VPS35: variants seen among roughly 807,000 people sequenced by gnomAD.
VPS35 encodes VPS35 retromer complex component.
A neutral mutation model predicts 98.1 loss-of-function variants in VPS35; 21 were observed. The ratio of observed to expected loss-of-function variants is 0.21; its 90% CI spans 0.15 to 0.31. VPS35 has a LOEUF of 0.31. Ranked by LOEUF, VPS35 falls within the 10% of genes least tolerant of loss-of-function variation. The pLI, the probability that VPS35 is intolerant of heterozygous loss-of-function variation, is 1.00. For synonymous variants in VPS35, 268 were observed against 318.2 expected (o/e 0.84, Z 1.68); for missense variants, 554 against 950.8 (o/e 0.58, Z 5.49).
intron 3 of VPS35, 138 bp downstream of exon 3, chr16:46,681,941 A>G: frequency 4.4e-6 from 3 of 681,198 alleles, no homozygotes; most frequent in East Asian, 5.5e-5. Context: ...GCACATCTGC[A>G]TGGAGAAGGA....
At chr16:46,676,506 C>T in intron 8 of VPS35, 77 bp downstream of exon 8, 1 of 902,536 alleles carries the variant, frequency 1.1e-6, no homozygotes, top group South Asian at 1.4e-5. Context: ...GTAACAGAAA[C>T]AAATAATTCA....
chr16:46,661,964 C>G lies in VPS35; in HGVS notation c.2068-103G>C. On this transcript the variant is annotated intron_variant, in intron 15 of 16. Coordinates refer to ENST00000299138, the MANE Select transcript of VPS35 (RefSeq NM_018206.6). This position sits in a 1 kb window ranked among gnomAD's most constrained non-coding sequence, Gnocchi z 4.3. Reference sequence around the variant, plus strand: ...GTGGCTCTTTCGTGTTTTAAAGGGACATAACAAATTTAAATCCTTTTCATT... The same window carrying G: ...GTGGCTCTTTCGTGTTTTAAAGGGAGATAACAAATTTAAATCCTTTTCATT... The G allele has an allele frequency of 6.7e-7, 1 of 1,499,282 alleles. No homozygotes were observed. Among genetic ancestry groups the G allele is most frequent in the East Asian group, 2.3e-5 (1 of 44,144 alleles). The allele number at this position is 1,499,282 out of a possible 1,614,324, so 92.9% of individuals were successfully genotyped here.
At chr16:46,678,059 T>C (rs1226119608) in intron 6 of VPS35, among the ~76,000 whole-genome samples, 1 of 152,214 alleles carries the variant, frequency 6.6e-6, no homozygotes, top group Non-Finnish European at 1.5e-5. Flanking sequence ...AAATAACTGA[T>C]CATAAATATC....
rs1965897703 is a variant in VPS35 at position 46,660,601 on chromosome 16, G to A, written c.2262C>T (p.Leu754=). The A allele has an allele frequency of 6.2e-7, 1 of 1,613,916 alleles. No individual in the cohort carries two copies. The change falls in exon 17 of 17, where the codon CTC becomes CTT. Residue 754 remains leucine, a synonymous_variant. Coordinates refer to ENST00000299138, the MANE Select transcript of VPS35 (RefSeq NM_018206.6). ...NQLIQKIRED[L]PNLESSEETE... ...TTTCTTCACTGGATTCAAGATTCGG[G>A]AGGTCTTCTCGAATCTTTTGGATAA...
At chr16:46,669,097 T>A (rs747638741) in intron 12 of VPS35, 45 bp from the exon 13 acceptor site, 32 of 1,611,030 alleles carry the variant, frequency 2.0e-5, no homozygotes, top group Non-Finnish European at 2.6e-5. Context: ...AAACTCTGAT[T>A]AATCATTTGT....
At chr16:46,662,091 C>T in intron 15 of VPS35, 152 bp downstream of exon 15, 2 of 1,419,082 alleles carry the variant, frequency 1.4e-6, no homozygotes, top group Non-Finnish European at 1.9e-6. Flanking sequence ...GGCTTCACTA[C>T]AGGATGAGAC....
Position 46,656,989 on chromosome 16 carries a change from G to A in VPS35, c.*3483C>T, listed in dbSNP as rs1475036485. ...CCACTGCACTCCTGCTTGGGTGACA[G>A]AGCAAGACTCCGTCTCAAAAAAATA... On this transcript the variant is annotated 3_prime_UTR_variant, in exon 17 of 17. Coordinates refer to ENST00000299138, the MANE Select transcript of VPS35 (RefSeq NM_018206.6). 1 of 152,230 alleles carries A rather than the reference G, an allele frequency of 6.6e-6. No homozygotes were observed. 9.4% of individuals were successfully genotyped at this position (152,230 alleles called of 1,614,324 possible).
In VPS35 at chr16:46,658,135, G is replaced by C. The variant is rs1313018270; in HGVS notation, c.*2337C>G. 1 of 152,446 alleles carries C rather than the reference G, an allele frequency of 6.6e-6. No homozygotes were observed. Among genetic ancestry groups the C allele is most frequent in the African/African-American group, 2.4e-5 (1 of 41,428 alleles). 9.4% of individuals were successfully genotyped at this position (152,446 alleles called of 1,614,324 possible). A position where few individuals can be genotyped will look rare whatever the true frequency, so the allele number is the denominator to read the frequency against. On this transcript the variant is annotated 3_prime_UTR_variant, in exon 17 of 17. Coordinates refer to ENST00000299138, the MANE Select transcript of VPS35 (RefSeq NM_018206.6). ...AGAGTATAACTTGCTTCAGCCCATG[G>C]GTCTGAGGAGCCTGGGACTGCAGGC...
chr16:46,679,284 C>A (rs1412027863), intron 5 of VPS35, 128 bp from the exon 6 acceptor site: 3 of 868,418 alleles, frequency 3.5e-6, no homozygotes. Context: ...CTTTCAACTT[C>A]ATTGGCTTAG....
chr16:46,680,926 A>C, intron 4 of VPS35, 73 bp from the exon 5 acceptor site: 2 of 1,451,362 alleles, frequency 1.4e-6, no homozygotes, highest in South Asian at 2.3e-5. Flanking sequence ...AAACACACTG[A>C]ACAAAACATT....
At position 46,656,742 on chromosome 16, in the gene VPS35, C is replaced by G. The variant is rs2143005096; in HGVS notation, c.*3730G>C. The G allele has an allele frequency of 6.6e-6, 1 of 152,520 alleles. No homozygotes were observed. The highest frequency in any genetic ancestry group is 2.1e-4 in the South Asian group (1 of 4,834). The allele number at this position is 152,520 out of a possible 1,614,324, so 9.4% of individuals were successfully genotyped here. A position where few individuals can be genotyped will look rare whatever the true frequency, so the allele number is the denominator to read the frequency against. On this transcript the variant is annotated 3_prime_UTR_variant, in exon 17 of 17. Transcript: ENST00000299138. ...TACAATCTGGCTGGGCAAGGTGGCT[C>G]ATGCCTGTAATTCCAGCACTTTGGG...
rs560037141 is a variant in VPS35 at position 46,658,931 on chromosome 16, T to C, written c.*1541A>G. 1 of 152,308 alleles carries C rather than the reference T, an allele frequency of 6.6e-6. No homozygotes were observed. Among genetic ancestry groups the C allele is most frequent in the East Asian group, 1.9e-4 (1 of 5,178 alleles). The allele number at this position is 152,308 out of a possible 1,614,324, so 9.4% of individuals were successfully genotyped here. ...TTAAGAGGTGGAGCTTAATTCTCCT[T>C]ACCCTTGAATATAGGCTAGACTTAG... On this transcript the variant is annotated 3_prime_UTR_variant, in exon 17 of 17. Transcript: ENST00000299138.
At position 46,671,786 on chromosome 16, in the gene VPS35, T is replaced by C. The variant is rs1271906762; in HGVS notation, c.1443A>G (p.Pro481=). ...QPDQPVEDPD[P]EDFADEQSLV... ...GGCTCTGCTCATCAGCAAAATCTTC[T>C]GGATCAGGGTCTTCTACAGGTTGAT... Residue 481 remains proline (P), a synonymous_variant, in exon 12 of 17, where the codon CCA becomes CCG. Coordinates refer to ENST00000299138, the MANE Select transcript of VPS35 (RefSeq NM_018206.6). 3 of 1,614,086 alleles carry C rather than the reference T, an allele frequency of 1.9e-6. No individual in the cohort carries two copies. The highest frequency in any genetic ancestry group is 2.2e-5 in the South Asian group (2 of 91,084).
chr16:46,659,956 A>T lies in VPS35; in HGVS notation c.*516T>A, dbSNP rs938925484. ...CATTAATATATTCTAGTTTTAGGGA[A>T]AATCTTACACATGGCCTTATCTTGC... On this transcript the variant is annotated 3_prime_UTR_variant, in exon 17 of 17. Transcript: ENST00000299138. 1 of 152,710 alleles carries T rather than the reference A, an allele frequency of 6.5e-6. No individual in the cohort carries two copies. The highest frequency in any genetic ancestry group is 1.5e-5 in the Non-Finnish European group (1 of 68,456). 9.5% of individuals were successfully genotyped at this position (152,710 alleles called of 1,614,324 possible).
At chr16:46,663,891 T>TTTTTTTTTG (rs58446538) in intron 13 of VPS35, among the ~76,000 whole-genome samples, 1 of 128,972 alleles carries the variant, frequency 7.8e-6, no homozygotes, top group Non-Finnish European at 1.6e-5. Flanking sequence ...TTTTTTTTTT[T>TTTTTTTTTG]GTAGAGACAG....
Position 46,660,412 on chromosome 16 carries a change from T to C in VPS35, c.*60A>G. ...AGGCACAATCTATGGAAGGGAAACC[T>C]AGCGTAATAAAACCCTCACTGGATG... On this transcript the variant is annotated 3_prime_UTR_variant, in exon 17 of 17. Transcript: ENST00000299138. 6.3e-7 allele frequency: 1 copy of C among 1,597,538 alleles called. No homozygotes were observed. Among genetic ancestry groups the C allele is most frequent in the Non-Finnish European group, 8.5e-7 (1 of 1,171,528 alleles).
chr16:46,672,173 G>C, intron 11 of VPS35, 92 bp downstream of exon 11: 1 of 1,100,364 alleles, frequency 9.1e-7, no homozygotes, highest in Non-Finnish European at 1.4e-6. Flanking sequence ...ATTTAGTATT[G>C]AATTACCCTC....
rs370966099 is a variant in VPS35 at position 46,660,576 on chromosome 16, T to C, written c.2287A>G (p.Thr763Ala). 3.7e-6 allele frequency: 6 copies of C among 1,613,984 alleles called. No individual in the cohort carries two copies. Among genetic ancestry groups the C allele is most frequent in the Non-Finnish European group, 4.2e-6 (5 of 1,180,024 alleles). Reference sequence around the variant, plus strand: ...TGAAAATGTTTGTTAATCTGCTCTGTTTCTTCACTGGATTCAAGATTCGGG... The same window carrying C: ...TGAAAATGTTTGTTAATCTGCTCTGCTTCTTCACTGGATTCAAGATTCGGG... ...DLPNLESSEETEQINKHFHNT... is the reference protein window; with the variant it reads ...DLPNLESSEEAEQINKHFHNT... Residue 763 changes from threonine to alanine, a missense_variant, in exon 17 of 17, where the codon ACA becomes GCA. By Grantham distance (58) the Thr-to-Ala change is moderately conservative. Around this residue, in one of 5 missense-constraint regions of VPS35, gnomAD observed 153 missense variants for 211.0 expected, o/e 0.73. Transcript: ENST00000299138.
At chr16:46,665,967 G>A (rs1244597567) in intron 13 of VPS35, among the ~76,000 whole-genome samples, 6 of 151,948 alleles carry the variant, frequency 3.9e-5, no homozygotes, top group Admixed American at 3.9e-4. Context: ...GCAGTGGCGC[G>A]ATCTCAGCTT....
Sources: allele counts gnomAD v4.1 joint callset (sites outside exome capture counted in the v4.1 genomes callset), GRCh38; gene constraint gnomAD v4.1.1; regional missense constraint gnomAD v4.1.1; non-coding constraint Gnocchi (gnomAD v3.1); transcripts MANE v1.5; gene names NCBI Gene and HGNC (gene_info 2026-07-23, HGNC 2026-07-21).